Variants in RASGEF1A observed in about 807,000 individuals in gnomAD.
RASGEF1A encodes the protein ras-GEF domain-containing family member 1A.
A neutral mutation model predicts 56.4 loss-of-function variants in RASGEF1A; 18 were observed. The observed-to-expected ratio is 0.32, with a 90% CI of 0.22 to 0.47. RASGEF1A has a LOEUF of 0.47. RASGEF1A is among the 20% of genes least tolerant of loss of function. The pLI is 1.00. For missense variants in RASGEF1A, 422 were observed against 627.1 expected (o/e 0.67, Z 3.49); for synonymous variants, 245 against 242.6 (o/e 1.01, Z -0.09).
chr10:43,225,694 C>T (rs1840270821), intron 1 of RASGEF1A, among the ~76,000 whole-genome samples: 1 of 152,206 alleles, frequency 6.6e-6, no homozygotes, highest in Non-Finnish European at 1.5e-5. Context: ...CTCAGCTACC[C>T]TGAAGCCACT....
intron 7 of RASGEF1A, 75 bp downstream of exon 7, chr10:43,199,601 T>C (rs1254964): frequency 0.74 from 901,139 of 1,223,124 alleles, 334,250 homozygotes; most frequent in East Asian, 0.93. Context: ...CATCATCTAA[T>C]TCCTGGGGCA....
chr10:43,236,452 C>T (rs527253795), intron 1 of RASGEF1A, among the ~76,000 whole-genome samples: 35 of 152,338 alleles, frequency 2.3e-4, no homozygotes, highest in African/African-American at 7.2e-4. Flanking sequence ...GCATGCATTA[C>T]GAGTATGCAG....
chr10:43,205,851 C>A, intron 2 of RASGEF1A, 68 bp downstream of exon 2: 3 of 1,355,622 alleles, frequency 2.2e-6, no homozygotes, highest in East Asian at 2.4e-5. Context: ...GCCTCCCTCC[C>A]ACACCCGACA....
At chr10:43,247,353 T>G (rs1299910355) in intron 1 of RASGEF1A, among the ~76,000 whole-genome samples, 1 of 152,084 alleles carries the variant, frequency 6.6e-6, no homozygotes, top group East Asian at 1.9e-4. Flanking sequence ...ATGATCGGTA[T>G]AGTTCCTTAA....
chr10:43,266,759 G>T (rs1275643363), intron 1 of RASGEF1A, 86 bp downstream of exon 1: 15 of 145,530 alleles, frequency 1.0e-4, no homozygotes, highest in South Asian at 2.0e-4. Flanking sequence ...CGCACGCCGC[G>T]CCCTGCCCGC....
chr10:43,243,708 C>T (rs1330359528), intron 1 of RASGEF1A, among the ~76,000 whole-genome samples: 5 of 150,824 alleles, frequency 3.3e-5, no homozygotes, highest in East Asian at 2.0e-4. Context: ...TCTGCCCAGC[C>T]GCCCCATCTG....
chr10:43,203,771 G>T (rs971823714), intron 2 of RASGEF1A: 64 of 1,047,214 alleles, frequency 6.1e-5, no homozygotes, highest in Non-Finnish European at 6.9e-5. Flanking sequence ...GCGCCAGGAT[G>T]CAAGCCAGCT....
At chr10:43,216,907 G>A (rs1391732175) in intron 1 of RASGEF1A, among the ~76,000 whole-genome samples, 3 of 152,118 alleles carry the variant, frequency 2.0e-5, no homozygotes, top group African/African-American at 7.2e-5. Context: ...ATCAGGACCG[G>A]TCAGATAGTG....
intron 1 of RASGEF1A, among the ~76,000 whole-genome samples, chr10:43,251,385 G>A (rs1840626537): frequency 6.6e-6 from 1 of 152,174 alleles, no homozygotes; most frequent in South Asian, 2.1e-4. Flanking sequence ...CCCTCACCGT[G>A]CTAGGATTTG....
intron 1 of RASGEF1A, among the ~76,000 whole-genome samples, chr10:43,256,159 A>T (rs1385732291): frequency 6.6e-6 from 1 of 152,156 alleles, no homozygotes; most frequent in Non-Finnish European, 1.5e-5. Context: ...TGTCCTGGCC[A>T]CACTGTGCCC....
intron 1 of RASGEF1A, among the ~76,000 whole-genome samples, chr10:43,223,574 A>G (rs772470317): frequency 5.3e-5 from 8 of 152,228 alleles, no homozygotes; most frequent in Non-Finnish European, 1.0e-4. Flanking sequence ...GCTTCTCAAC[A>G]AAACAGTGAA....
At chr10:43,206,258 C>T in intron 1 of RASGEF1A, 136 bp from the exon 2 acceptor site, 1 of 736,386 alleles carries the variant, frequency 1.4e-6, no homozygotes, top group Non-Finnish European at 2.2e-6. Flanking sequence ...TGGCAGAGGG[C>T]ACCCCCATTC....
chr10:43,237,492 C>G (rs988314071), intron 1 of RASGEF1A, among the ~76,000 whole-genome samples: 2 of 149,228 alleles, frequency 1.3e-5, no homozygotes, highest in African/African-American at 4.9e-5. Flanking sequence ...TCTGCCCTCT[C>G]CAGACCACAG....
At chr10:43,257,162 C>T (rs1314696566) in intron 1 of RASGEF1A, among the ~76,000 whole-genome samples, 1 of 152,224 alleles carries the variant, frequency 6.6e-6, no homozygotes, top group Admixed American at 6.5e-5. Flanking sequence ...CAGCACCTTG[C>T]AGAATCCCTC....
At chr10:43,240,638 GAC>G (rs1840488434) in intron 1 of RASGEF1A, among the ~76,000 whole-genome samples, 2 of 151,944 alleles carry the variant, frequency 1.3e-5, no homozygotes, top group Non-Finnish European at 2.9e-5. Flanking sequence ...AAGAATCAGT[GAC>G]TTGAAAAAAC....
At chr10:43,254,907 G>A (rs540964016) in intron 1 of RASGEF1A, among the ~76,000 whole-genome samples, 1 of 152,306 alleles carries the variant, frequency 6.6e-6, no homozygotes, top group African/African-American at 2.4e-5. Flanking sequence ...GGACCTCCTT[G>A]TGTAGCTGGT....
chr10:43,246,450 C>T (rs1031932613), intron 1 of RASGEF1A, among the ~76,000 whole-genome samples: 17 of 152,126 alleles, frequency 1.1e-4, no homozygotes, highest in African/African-American at 3.4e-4. Context: ...TGAAAGGGAC[C>T]TGGAACAACC....
intron 1 of RASGEF1A, among the ~76,000 whole-genome samples, chr10:43,243,789 G>C (rs1362736611): frequency 4.0e-5 from 6 of 151,078 alleles, no homozygotes; most frequent in African/African-American, 1.5e-4. Context: ...CGCCCTGTCT[G>C]GGAGGTGAGG....
At chr10:43,198,784 G>C (rs142497621) in intron 9 of RASGEF1A, 149 bp downstream of exon 9, 7 of 749,568 alleles carry the variant, frequency 9.3e-6, no homozygotes, top group Non-Finnish European at 1.6e-5. Flanking sequence ...GCTGGAGGAC[G>C]AACATGCCAG....
Sources: gnomAD v4.1 joint callset for allele counts (sites outside exome capture counted in the v4.1 genomes callset) on GRCh38, gnomAD v4.1.1 for gene constraint, MANE v1.5 for transcripts, NCBI Gene and HGNC (gene_info 2026-07-23, HGNC 2026-07-21) for gene names.